EPS8: variants seen among roughly 807,000 people sequenced by gnomAD.
The protein encoded by EPS8 is EGFR pathway substrate 8, signaling adaptor.
In EPS8, 42 loss-of-function variants were observed where a neutral mutation model predicts 103.8. The observed-to-expected ratio is 0.40, with a 90% CI of 0.32 to 0.52. The LOEUF is 0.52. Among genes scored for constraint, EPS8 ranks in the 20% least tolerant of loss-of-function variants. EPS8 has a pLI of 0.40. For synonymous variants in EPS8, 344 were observed against 344.6 expected (o/e 1.00, Z 0.02); for missense variants, 969 against 1,005.1 (o/e 0.96, Z 0.49).
At chr12:15,628,724 G>A (rs1274252766) in intron 18 of EPS8, among the ~76,000 whole-genome samples, 2 of 152,148 alleles carry the variant, frequency 1.3e-5, no homozygotes, top group African/African-American at 4.8e-5. Flanking sequence ...TTTTTCCCCT[G>A]TTCATAGCTG....
intron 1 of EPS8, among the ~76,000 whole-genome samples, chr12:15,754,343 A>C (rs1946963556): frequency 6.6e-6 from 1 of 152,228 alleles, no homozygotes; most frequent in Non-Finnish European, 1.5e-5. Context: ...GGCAGAGGTC[A>C]TGAGCTTGGC....
intron 1 of EPS8, among the ~76,000 whole-genome samples, chr12:15,763,680 T>C (rs1947064380): frequency 6.6e-6 from 1 of 152,178 alleles, no homozygotes; most frequent in African/African-American, 2.4e-5. Context: ...CAAGGCTATA[T>C]ATGCACACGC....
chr12:15,680,931 A>G (rs77188264), intron 3 of EPS8, among the ~76,000 whole-genome samples: 1 of 152,102 alleles, frequency 6.6e-6, no homozygotes, highest in African/African-American at 2.4e-5. Context: ...AAGATCAACA[A>G]ACATTATTAC....
chr12:15,710,238 T>G (rs977023023), intron 1 of EPS8, among the ~76,000 whole-genome samples: 2 of 152,240 alleles, frequency 1.3e-5, no homozygotes, highest in Non-Finnish European at 2.9e-5. Context: ...AATCTAATAC[T>G]AGAGTAATAA....
At chr12:15,746,455 CAT>C (rs1450280604) in intron 1 of EPS8, among the ~76,000 whole-genome samples, 2 of 151,844 alleles carry the variant, frequency 1.3e-5, no homozygotes, top group African/African-American at 2.4e-5. Context: ...TCCATCATCA[CAT>C]GTCTGGATAA....
rs1239113906 is a variant in EPS8, at chr12:15,620,867, G to C, written c.*450C>G. ...TTCTTCCATTGAGTATGTCAGAGAA[G>C]AGACTTAAGTAAGCAGAGGCTAGCC... On this transcript the variant is annotated 3_prime_UTR_variant, in exon 21 of 21. Transcript: ENST00000281172. 1 of 152,786 alleles carries C rather than the reference G, an allele frequency of 6.5e-6. No homozygotes were observed. The highest frequency in any genetic ancestry group is 1.5e-5 in the Non-Finnish European group (1 of 68,524). The allele number at this position is 152,786 out of a possible 1,614,324, so 9.5% of individuals were successfully genotyped here. A position where few individuals can be genotyped will look rare whatever the true frequency, so the allele number is the denominator to read the frequency against.
chr12:15,756,269 C>T (rs1814154979), intron 1 of EPS8, among the ~76,000 whole-genome samples: 1 of 152,060 alleles, frequency 6.6e-6, no homozygotes, highest in Admixed American at 6.6e-5. Context: ...CAGGGTTCTA[C>T]CAGAAAGAGA....
chr12:15,666,869 C>T (rs555838426), intron 6 of EPS8, among the ~76,000 whole-genome samples: 1 of 152,286 alleles, frequency 6.6e-6, no homozygotes, highest in South Asian at 2.1e-4. Context: ...ACACATAGAA[C>T]AGAGTTCCTT....
At chr12:15,679,138 C>T (rs1945960779) in intron 3 of EPS8, among the ~76,000 whole-genome samples, 1 of 152,088 alleles carries the variant, frequency 6.6e-6, no homozygotes, top group Non-Finnish European at 1.5e-5. Flanking sequence ...TATTAGGTGT[C>T]TAATTTGCCA....
At chr12:15,686,001 C>T (rs1946089829) in intron 1 of EPS8, among the ~76,000 whole-genome samples, 1 of 152,032 alleles carries the variant, frequency 6.6e-6, no homozygotes, top group Non-Finnish European at 1.5e-5. Context: ...TGAAAGTATA[C>T]ACTAAAGCCA....
intron 2 of EPS8, among the ~76,000 whole-genome samples, chr12:15,682,429 C>A (rs1299467199): frequency 6.6e-6 from 1 of 152,126 alleles, no homozygotes; most frequent in Non-Finnish European, 1.5e-5. Context: ...CAAGTTATAC[C>A]TGGACCCACT....
intron 1 of EPS8, among the ~76,000 whole-genome samples, chr12:15,737,627 G>T (rs1946779161): frequency 6.6e-6 from 1 of 152,072 alleles, no homozygotes; most frequent in African/African-American, 2.4e-5. Context: ...TAAATTATTT[G>T]CCCAAAGTGA....
At chr12:15,723,486 C>T (rs2970195) in intron 1 of EPS8, among the ~76,000 whole-genome samples, 1,874 of 152,058 alleles carry the variant, frequency 0.012, 32 homozygotes, top group African/African-American at 0.037. Context: ...TAGTCATCAG[C>T]GTGGATTTTT....
rs1591820429 is a variant in EPS8, at chr12:15,650,905, T to C, written c.1352A>G (p.Gln451Arg). Residue 451 changes from glutamine to arginine, a missense_variant, in exon 14 of 21, where the codon CAA becomes CGA. Coordinates refer to ENST00000281172, the MANE Select transcript of EPS8 (RefSeq NM_004447.6). ...MLNFMGATME[Q>R]DLYQLAESVA... Reference sequence around the variant, plus strand: ...AGATTCTGCCAGTTGATAAAGATCTTGTTCCATTGTGGCTCCCATAAAGTT... The same window carrying C: ...AGATTCTGCCAGTTGATAAAGATCTCGTTCCATTGTGGCTCCCATAAAGTT... The C allele has an allele frequency of 1.9e-6, 3 of 1,614,152 alleles. No homozygotes were observed. Among genetic ancestry groups the C allele is most frequent in the Non-Finnish European group, 2.5e-6 (3 of 1,179,956 alleles).
chr12:15,673,184 T>C (rs1351953584), intron 3 of EPS8, among the ~76,000 whole-genome samples: 1 of 152,200 alleles, frequency 6.6e-6, no homozygotes, highest in African/African-American at 2.4e-5. Flanking sequence ...TATGGTGTCA[T>C]TTCTAATATT....
At position 15,776,757 on chromosome 12, in the gene EPS8, G is replaced by C. The variant is rs182614254; in HGVS notation, c.-22+12404C>G. Among the ~76,000 whole-genome samples the C allele has an allele frequency of 3.3e-5, 5 of 152,224 alleles. No individual in the cohort carries two copies. The highest frequency in any genetic ancestry group is 3.3e-4 in the Admixed American group (5 of 15,290). On this transcript the variant is annotated intron_variant, in intron 1 of 20. Transcript: ENST00000281172. The surrounding 1 kb of genome is among the most constrained non-coding windows in gnomAD (Gnocchi z 4.2). ...TAGTAAAAATGGCTGATGGGTTCTT[G>C]AGAATTTTAGCGTTTCCCCTTTTGC...
Position 15,716,037 on chromosome 12 carries a change from T to A in EPS8, c.-21-33065A>T, listed in dbSNP as rs1445665049. Among the ~76,000 whole-genome samples the A allele has an allele frequency of 6.6e-6, 1 of 152,070 alleles. No individual in the cohort carries two copies. The highest frequency in any genetic ancestry group is 1.9e-4 in the East Asian group (1 of 5,186). On this transcript the variant is annotated intron_variant, in intron 1 of 20. Coordinates refer to ENST00000281172, the MANE Select transcript of EPS8 (RefSeq NM_004447.6). The surrounding 1 kb of genome is among the most constrained non-coding windows in gnomAD (Gnocchi z 5.0). ...TTAAAAGTAGCAAGAAGAAAACCCT[T>A]CAAAACGAAGAATATAATCAAAATA... is the stretch of plus-strand genomic sequence containing the variant.
intron 14 of EPS8, among the ~76,000 whole-genome samples, chr12:15,649,142 A>G (rs1055017122): frequency 2.0e-5 from 3 of 152,224 alleles, no homozygotes; most frequent in African/African-American, 7.2e-5. Context: ...AGTTTATAAC[A>G]GGAAAATAAT....
intron 2 of EPS8, 50 bp from the exon 3 acceptor site, chr12:15,681,352 T>G: frequency 1.2e-6 from 1 of 857,956 alleles, no homozygotes; most frequent in Non-Finnish European, 1.6e-6. Context: ...AAGGTCATTG[T>G]GTTGGGTTAA....
Sources: allele counts gnomAD v4.1 joint callset (sites outside exome capture counted in the v4.1 genomes callset), GRCh38; gene constraint gnomAD v4.1.1; non-coding constraint Gnocchi (gnomAD v3.1); transcripts MANE v1.5; gene names NCBI Gene and HGNC (gene_info 2026-07-23, HGNC 2026-07-21).